Variants in NREP observed in about 807,000 individuals in gnomAD.
NREP encodes neuronal regeneration-related protein.
In NREP, 5 loss-of-function variants were observed where a neutral mutation model predicts 8.6. The ratio of observed to expected loss-of-function variants is 0.58; its 90% CI spans 0.30 to 1.22. NREP has a LOEUF of 1.22. Ranked by LOEUF, NREP falls within the 50% of genes most tolerant of loss-of-function variation. NREP has a pLI of 0.07. For synonymous variants in NREP, 27 were observed against 28.0 expected (o/e 0.96, Z 0.11); for missense variants, 86 against 82.5 (o/e 1.04, Z -0.17).
intron 1 of NREP, among the ~76,000 whole-genome samples, chr5:111,756,686 G>GA (rs1262260043): frequency 3.9e-5 from 6 of 152,184 alleles, no homozygotes; most frequent in Non-Finnish European, 5.9e-5. Context: ...GAATGCCTAA[G>GA]AAGACCCTCG....
chr5:111,863,020 G>A lies in NREP; in HGVS notation c.135+112254C>T, dbSNP rs1753586292. Among the ~76,000 whole-genome samples, 11 of 151,508 alleles carry A rather than the reference G, an allele frequency of 7.3e-5. No homozygotes were observed. In the South Asian group the frequency reaches 2.1e-3, roughly 29 times the overall value. ...TGGCCATTAAGAGTGTTTAATTAGG[G>A]AATGGTATGATCTGATTTGCAATTT... On this transcript the variant is annotated intron_variant, in intron 2 of 3. Coordinates refer to the NREP transcript ENST00000395634.
intron 2 of NREP, among the ~76,000 whole-genome samples, chr5:111,885,193 A>G (rs1217208605): frequency 1.6e-4 from 24 of 151,728 alleles, no homozygotes; most frequent in Non-Finnish European, 2.9e-4. Flanking sequence ...AGACAAACAG[A>G]GAGCCAAATC....
At chr5:111,907,416 C>T (rs913501893) in intron 2 of NREP, among the ~76,000 whole-genome samples, 3 of 152,114 alleles carry the variant, frequency 2.0e-5, no homozygotes, top group South Asian at 4.1e-4. Flanking sequence ...TCCAGTTGTT[C>T]CAGCAACATT....
intron 2 of NREP, among the ~76,000 whole-genome samples, chr5:111,866,315 C>A (rs1021122377): frequency 1.3e-5 from 2 of 151,800 alleles, no homozygotes; most frequent in African/African-American, 4.8e-5. Flanking sequence ...GAAAAAAAAA[C>A]CCGATCAAAA....
intron 2 of NREP, among the ~76,000 whole-genome samples, chr5:111,766,007 T>G (rs1204534296): frequency 1.0e-5 from 1 of 97,124 alleles, no homozygotes; most frequent in Non-Finnish European, 2.5e-5. Flanking sequence ...AATGAAATAT[T>G]GTCAGAAAAC....
intron 2 of NREP, among the ~76,000 whole-genome samples, chr5:111,805,858 C>G (rs774788239): frequency 6.6e-6 from 1 of 151,840 alleles, no homozygotes; most frequent in African/African-American, 2.4e-5. Flanking sequence ...TCGACTGTAC[C>G]GCATGGCAAT....
At chr5:111,888,212 G>C (rs1460510216) in intron 2 of NREP, among the ~76,000 whole-genome samples, 5 of 152,168 alleles carry the variant, frequency 3.3e-5, no homozygotes, top group South Asian at 2.1e-4. Flanking sequence ...ATTATCTTTA[G>C]TAAGATGCAA....
At chr5:111,923,860 C>G (rs1271394228) in intron 2 of NREP, among the ~76,000 whole-genome samples, 1 of 151,992 alleles carries the variant, frequency 6.6e-6, no homozygotes, top group Non-Finnish European at 1.5e-5. Context: ...TGGTTAAAGA[C>G]CCTTTTTGAT....
At chr5:111,807,314 G>T (rs1046075923) in intron 2 of NREP, among the ~76,000 whole-genome samples, 1 of 151,980 alleles carries the variant, frequency 6.6e-6, no homozygotes, top group African/African-American at 2.4e-5. Flanking sequence ...GTCCCATCAG[G>T]TTATTCCATC....
chr5:111,766,141 C>A (rs1275829249), intron 2 of NREP, among the ~76,000 whole-genome samples: 1 of 152,124 alleles, frequency 6.6e-6, no homozygotes, highest in African/African-American at 2.4e-5. Context: ...TGCATATAGC[C>A]TTTTCATTCT....
chr5:111,878,251 C>T (rs1011042126), intron 2 of NREP, among the ~76,000 whole-genome samples: 2 of 152,264 alleles, frequency 1.3e-5, no homozygotes, highest in East Asian at 1.9e-4. Flanking sequence ...GCTATAACTG[C>T]CCAAGACTGG....
chr5:111,805,646 G>A (rs1029991701), intron 2 of NREP, among the ~76,000 whole-genome samples: 1 of 152,006 alleles, frequency 6.6e-6, no homozygotes, highest in African/African-American at 2.4e-5. Flanking sequence ...AGTAATTGGG[G>A]GTAAAGTGAT....
At chr5:111,968,073 C>T (rs1418942293) in intron 2 of NREP, among the ~76,000 whole-genome samples, 1 of 151,922 alleles carries the variant, frequency 6.6e-6, no homozygotes, top group East Asian at 1.9e-4. Context: ...TAAAGACAAA[C>T]AAAAAGGCTT....
intron 2 of NREP, among the ~76,000 whole-genome samples, chr5:111,921,411 G>A (rs1343166845): frequency 6.6e-6 from 1 of 152,072 alleles, no homozygotes; most frequent in Non-Finnish European, 1.5e-5. Flanking sequence ...ATATCTCAGA[G>A]GCCTGATCAG....
chr5:111,814,478 G>A (rs779411832), intron 2 of NREP, among the ~76,000 whole-genome samples: 33 of 152,158 alleles, frequency 2.2e-4, no homozygotes, highest in Middle Eastern at 3.4e-3. Context: ...CATTGCCTCC[G>A]TAACTTTCTT....
intron 2 of NREP, among the ~76,000 whole-genome samples, chr5:111,811,159 C>G (rs1436145878): frequency 6.6e-6 from 1 of 152,116 alleles, no homozygotes; most frequent in Non-Finnish European, 1.5e-5. Flanking sequence ...TGCCTATGCC[C>G]GCCTTTAGAC....
Position 111,933,288 on chromosome 5 carries a change from T to C in NREP, c.135+41986A>G, listed in dbSNP as rs191942904. On this transcript the variant is annotated intron_variant, in intron 2 of 3. Coordinates refer to the NREP transcript ENST00000395634. ...AGGAGGCTGCTTTTATAACTGTGGT[T>C]CAAATGAGGACACAGATTATTTTCC... Among the ~76,000 whole-genome samples, 818 of 152,214 alleles carry C rather than the reference T, an allele frequency of 5.4e-3. 7 individuals are homozygous for C. Among genetic ancestry groups the C allele is most frequent in the Non-Finnish European group, 8.0e-3 (543 of 67,996 alleles).
At chr5:111,920,533 G>T (rs75904044) in intron 2 of NREP, among the ~76,000 whole-genome samples, 3,125 of 152,196 alleles carry the variant, frequency 0.021, 48 homozygotes, top group Non-Finnish European at 0.028. Flanking sequence ...CAAAGATGAG[G>T]TTAGAGCAGA....
intron 2 of NREP, among the ~76,000 whole-genome samples, chr5:111,922,443 C>T (rs1755270676): frequency 6.6e-6 from 1 of 152,136 alleles, no homozygotes; most frequent in African/African-American, 2.4e-5. Flanking sequence ...TGCTTCCACC[C>T]AGTTAGTGAA....
Sources: allele counts gnomAD v4.1 joint callset (sites outside exome capture counted in the v4.1 genomes callset), GRCh38; gene constraint gnomAD v4.1.1; transcripts MANE v1.5; gene names NCBI Gene and HGNC (gene_info 2026-07-23, HGNC 2026-07-21).